Variants in MYOCD observed in about 807,000 individuals in gnomAD.
MYOCD encodes myocardin.
In MYOCD, 32 loss-of-function variants were observed where a neutral mutation model predicts 96.1. The observed-to-expected ratio is 0.33, with a 90% confidence interval of 0.25 to 0.45. MYOCD has a LOEUF of 0.45. Ranked by LOEUF, MYOCD falls within the 20% of genes least tolerant of loss-of-function variation. The pLI is 1.00. For missense variants in MYOCD, 1,133 were observed against 1,200.6 expected, an observed-to-expected ratio of 0.94 and a Z score of 0.83; for synonymous variants, 469 against 469.0, an observed-to-expected ratio of 1.00 and a Z score of 0.00.
chr17:12,744,444 C>T lies in MYOCD; in HGVS notation c.971+8C>T, dbSNP rs1382063822. 1.3e-5 allele frequency: 21 copies of T among 1,599,216 alleles called. No individual in the cohort carries two copies. Among genetic ancestry groups the T allele is most frequent in the Admixed American group, 1.8e-5 (1 of 57,124 alleles). On this transcript the variant is annotated splice_region_variant and intron_variant, in intron 8 of 13. Coordinates refer to ENST00000425538, the MANE Select transcript of MYOCD (RefSeq NM_001146312.3). ...GCACCAAGCTCAGCTTAAGTAAGTC[C>T]GGCAAGGCTGGGAGGGTGGCTGTGG...
intron 6 of MYOCD, among the ~76,000 whole-genome samples, chr17:12,737,116 A>T (rs535882181): frequency 1.3e-5 from 2 of 152,156 alleles, no homozygotes; most frequent in African/African-American, 4.8e-5. Context: ...TTAGCCGGGC[A>T]TGGTGGTGCG....
intron 5 of MYOCD, among the ~76,000 whole-genome samples, chr17:12,729,228 G>A (rs537976594): frequency 1.8e-4 from 27 of 152,160 alleles, no homozygotes; most frequent in Non-Finnish European, 1.0e-4. Flanking sequence ...CCACCCTTGG[G>A]GTAAAGAAAC....
intron 4 of MYOCD, among the ~76,000 whole-genome samples, chr17:12,720,818 C>T (rs1029222471): frequency 1.6e-4 from 24 of 151,810 alleles, no homozygotes; most frequent in African/African-American, 3.4e-4. Context: ...GTCAGGAGAT[C>T]GAGACCATCC....
intron 5 of MYOCD, among the ~76,000 whole-genome samples, chr17:12,734,553 C>T (rs572695890): frequency 3.0e-5 from 4 of 132,854 alleles, no homozygotes; most frequent in Middle Eastern, 4.4e-3. Flanking sequence ...TTCTGTCGCC[C>T]GGGCTAGAGT....
rs747060583 is a variant in MYOCD, at chr17:12,765,764, T to C, written c.*2120T>C. On this transcript the variant is annotated 3_prime_UTR_variant, in exon 14 of 14. Transcript: ENST00000425538. ...TCCAACCCGATGACTCACAGCTACT[T>C]GCTTATCGTGAACAAGCTCATCTTG... 4.6e-5 allele frequency: 7 copies of C among 152,210 alleles called. No homozygotes were observed. Among genetic ancestry groups the C allele is most frequent in the Non-Finnish European group, 8.8e-5 (6 of 68,046 alleles). The allele number at this position is 152,210 out of a possible 1,614,324, so 9.4% of individuals were successfully genotyped here.
intron 13 of MYOCD, chr17:12,761,835 G>A (rs563518294): frequency 1.3e-5 from 2 of 152,586 alleles, no homozygotes; most frequent in African/African-American, 4.8e-5. Flanking sequence ...ATGTTGGCCA[G>A]GATGGTCTCA....
chr17:12,715,615 G>T (rs778533043), intron 3 of MYOCD, 41 bp downstream of exon 3: 1 of 1,504,204 alleles, frequency 6.6e-7, no homozygotes, highest in South Asian at 1.1e-5. Flanking sequence ...TAGACTATAG[G>T]TTATGAATCT....
At chr17:12,687,934 T>TA (rs1313608348) in intron 1 of MYOCD, among the ~76,000 whole-genome samples, 1 of 152,222 alleles carries the variant, frequency 6.6e-6, no homozygotes, top group African/African-American at 2.4e-5. Context: ...ATGATGCTTT[T>TA]AGCAAGGATG....
chr17:12,680,178 A>G (rs1260447966), intron 1 of MYOCD, among the ~76,000 whole-genome samples: 4 of 152,046 alleles, frequency 2.6e-5, no homozygotes, highest in Admixed American at 6.5e-5. Flanking sequence ...TCTTTGCCTC[A>G]TAAAATACAC....
At chr17:12,743,117 A>C (rs1291865266) in intron 7 of MYOCD, among the ~76,000 whole-genome samples, 1 of 152,186 alleles carries the variant, frequency 6.6e-6, no homozygotes, top group African/African-American at 2.4e-5. Context: ...CCACTTTCAA[A>C]AATTTGTCTT....
At chr17:12,720,289 A>G (rs1402428910) in intron 4 of MYOCD, 4 of 152,198 alleles carry the variant, frequency 2.6e-5, no homozygotes, top group African/African-American at 7.2e-5. Flanking sequence ...GCCTCTGTAC[A>G]AAATCGATTG....
At chr17:12,761,967 G>A (rs919338880) in intron 13 of MYOCD, 7 of 152,428 alleles carry the variant, frequency 4.6e-5, no homozygotes, top group African/African-American at 1.7e-4. Context: ...GGCCAGAAAA[G>A]CGTGAGGATG....
At chr17:12,708,204 A>G (rs141435672) in intron 2 of MYOCD, among the ~76,000 whole-genome samples, 3 of 152,194 alleles carry the variant, frequency 2.0e-5, no homozygotes, top group Admixed American at 2.0e-4. Context: ...CCCAAAGCCT[A>G]CATCTAATAT....
At chr17:12,679,247 G>A (rs1910300477) in intron 1 of MYOCD, among the ~76,000 whole-genome samples, 1 of 151,950 alleles carries the variant, frequency 6.6e-6, no homozygotes, top group Non-Finnish European at 1.5e-5. Flanking sequence ...CATCTGCACT[G>A]GCTTCAAGAT....
At position 12,765,862 on chromosome 17, in the gene MYOCD, T is replaced by C. The variant is rs566176827; in HGVS notation, c.*2218T>C. The C allele has an allele frequency of 3.9e-5, 6 of 152,342 alleles. No homozygotes were observed. The South Asian group carries it at 8.3e-4, about 21-fold the overall frequency. 9.4% of individuals were successfully genotyped at this position (152,342 alleles called of 1,614,324 possible). Reference sequence around the variant, plus strand: ...CTGGAAATGGTATCACAGTCTCTTATAGAGGAATATGAAAGGAACAAGAAA... The same window carrying C: ...CTGGAAATGGTATCACAGTCTCTTACAGAGGAATATGAAAGGAACAAGAAA... On this transcript the variant is annotated 3_prime_UTR_variant, in exon 14 of 14. Transcript: ENST00000425538.
chr17:12,724,155 G>A (rs886802139), intron 5 of MYOCD, among the ~76,000 whole-genome samples: 4 of 152,084 alleles, frequency 2.6e-5, no homozygotes, highest in African/African-American at 4.8e-5. Context: ...ACTCTGATAA[G>A]CTCTTGGGCA....
intron 5 of MYOCD, among the ~76,000 whole-genome samples, chr17:12,731,694 C>A (rs1008635454): frequency 1.3e-5 from 2 of 152,132 alleles, no homozygotes; most frequent in African/African-American, 4.8e-5. Flanking sequence ...AATAACTTGC[C>A]AACTGTCACG....
At chr17:12,690,251 A>T (rs566646208) in intron 1 of MYOCD, among the ~76,000 whole-genome samples, 2 of 152,096 alleles carry the variant, frequency 1.3e-5, no homozygotes, top group Non-Finnish European at 2.9e-5. Context: ...ATAGTAAAAA[A>T]ATCTAAGAAA....
At chr17:12,722,515 T>C (rs1011501201) in intron 4 of MYOCD, among the ~76,000 whole-genome samples, 5 of 152,200 alleles carry the variant, frequency 3.3e-5, no homozygotes, top group African/African-American at 1.2e-4. Context: ...GCAGACCAAA[T>C]GTGCATCCAA....
Sources: allele counts gnomAD v4.1 joint callset (sites outside exome capture counted in the v4.1 genomes callset), GRCh38; gene constraint gnomAD v4.1.1; transcripts MANE v1.5; gene names NCBI Gene and HGNC (gene_info 2026-07-23, HGNC 2026-07-21).